THSD1: variants seen among roughly 807,000 people sequenced by gnomAD.
THSD1 encodes the protein thrombospondin type 1 domain containing 1, also known as thrombospondin type-1 domain-containing protein 1.
In THSD1, 34 loss-of-function variants were observed where a neutral mutation model predicts 46.3. The observed-to-expected ratio is 0.74, with a 90% confidence interval of 0.56 to 0.98. THSD1 has a LOEUF of 0.98. Among genes scored for constraint, THSD1 ranks in the 50% least tolerant of loss-of-function variants. The pLI is 0.00. For missense variants in THSD1, 1,023 were observed against 1,058.3 expected, an observed-to-expected ratio of 0.97 and a Z score of 0.46; for synonymous variants, 407 against 416.5, an observed-to-expected ratio of 0.98 and a Z score of 0.28.
chr13:52,400,747 T>C (rs1201851198), intron 2 of THSD1, among the ~76,000 whole-genome samples: 2 of 152,232 alleles, frequency 1.3e-5, no homozygotes, highest in Non-Finnish European at 2.9e-5. Context: ...ACCTACTTTT[T>C]TTATCAGTGG....
At position 52,377,256 on chromosome 13, in the gene THSD1, C is replaced by T. The variant is rs1256454297; in HGVS notation, c.*155G>A. The T allele has an allele frequency of 3.1e-6, 4 of 1,309,428 alleles. No homozygotes were observed. Among genetic ancestry groups the T allele is most frequent in the Non-Finnish European group, 3.9e-6 (4 of 1,024,168 alleles). The allele number at this position is 1,309,428 out of a possible 1,614,324, so 81.1% of individuals were successfully genotyped here. A position where few individuals can be genotyped will look rare whatever the true frequency, so the allele number is the denominator to read the frequency against. On this transcript the variant is annotated 3_prime_UTR_variant, in exon 5 of 5. Transcript: ENST00000258613. ...GGAAAAAGCTCAAGATAAATAATTT[C>T]TTCCTTGTGAATTCAAACACATGCA...
chr13:52,403,583 G>A (rs376557309), intron 1 of THSD1, among the ~76,000 whole-genome samples: 19 of 152,310 alleles, frequency 1.2e-4, no homozygotes, highest in East Asian at 1.2e-3. Context: ...CCGGGTTCAC[G>A]CCATTCTCCT....
chr13:52,397,411 T>C lies in THSD1; in HGVS notation c.842A>G (p.Tyr281Cys). 6.2e-6 allele frequency: 10 copies of C among 1,613,990 alleles called. No homozygotes were observed. The highest frequency in any genetic ancestry group is 1.1e-5 in the South Asian group (1 of 91,066). Residue 281 changes from tyrosine (Y) to cysteine (C), a missense_variant, in exon 3 of 5, where the codon TAC becomes TGC. Tyr to Cys is a radical substitution (Grantham distance 194). Coordinates refer to ENST00000258613, the MANE Select transcript of THSD1 (RefSeq NM_018676.4). ...CAAGTGAATGGTCCTCTTCCCAGGGTATCTGGGGGCCTCCTTGAAGACAGT... is the reference window on the plus strand; with the variant it reads ...CAAGTGAATGGTCCTCTTCCCAGGGCATCTGGGGGCCTCCTTGAAGACAGT... ...VVTVFKEAPR[Y>C]PGKRTIHLAE...
rs757862569 is a variant in THSD1 at position 52,378,064 on chromosome 13, T to A, written c.1906A>T (p.Arg636Ter). 1 of 1,614,192 alleles carries A rather than the reference T, an allele frequency of 6.2e-7. No individual in the cohort carries two copies. The highest frequency in any genetic ancestry group is 1.1e-5 in the South Asian group (1 of 91,086). ...RKSQARHVGSRGGPSERSHAR... is the reference protein window; with the variant it reads ...RKSQARHVGS ...TGGCTCCTTTCGGACGGGCCCCCTCTGCTGCCCACGTGCCTTGCCTGTGAC... is the reference window on the plus strand; with the variant it reads ...TGGCTCCTTTCGGACGGGCCCCCTCAGCTGCCCACGTGCCTTGCCTGTGAC... Residue 636 changes from arginine (R) to a stop codon, truncating the protein, a stop_gained, in exon 5 of 5, where the codon AGA (arginine) becomes TGA (stop). Coordinates refer to ENST00000258613, the MANE Select transcript of THSD1 (RefSeq NM_018676.4). LOFTEE classifies it high-confidence loss of function.
At chr13:52,389,085 C>A (rs1957754581) in intron 3 of THSD1, among the ~76,000 whole-genome samples, 1 of 152,000 alleles carries the variant, frequency 6.6e-6, no homozygotes, top group South Asian at 2.1e-4. Flanking sequence ...CTCAGCCTCC[C>A]AAGTAGCTGG....
intron 4 of THSD1, among the ~76,000 whole-genome samples, chr13:52,381,699 C>T (rs537004599): frequency 6.6e-6 from 1 of 152,342 alleles, no homozygotes. Flanking sequence ...CATCATTCCT[C>T]TGCAGCAATT....
chr13:52,381,598 AC>A (rs1334293311), intron 4 of THSD1, among the ~76,000 whole-genome samples: 1 of 152,112 alleles, frequency 6.6e-6, no homozygotes, highest in South Asian at 2.1e-4. Context: ...ACCTCTATTT[AC>A]CTTTTTTCCA....
At chr13:52,405,411 T>C (rs1957899026) in intron 1 of THSD1, among the ~76,000 whole-genome samples, 1 of 152,236 alleles carries the variant, frequency 6.6e-6, no homozygotes, top group East Asian at 1.9e-4. Flanking sequence ...AACATGCACA[T>C]GCTTGTGTGT....
chr13:52,396,290 G>A (rs1043527047), intron 3 of THSD1, among the ~76,000 whole-genome samples: 7 of 152,136 alleles, frequency 4.6e-5, no homozygotes, highest in African/African-American at 1.2e-4. Context: ...TTGGGAGGCC[G>A]AGGCATGTGG....
chr13:52,403,250 ATAC>A (rs890825725), intron 1 of THSD1, among the ~76,000 whole-genome samples: 3 of 152,176 alleles, frequency 2.0e-5, no homozygotes, highest in Non-Finnish European at 4.4e-5. Context: ...ATACCCCAGA[ATAC>A]TACAATTAAA....
At chr13:52,389,148 A>T (rs1214534679) in intron 3 of THSD1, among the ~76,000 whole-genome samples, 1 of 151,888 alleles carries the variant, frequency 6.6e-6, no homozygotes, top group Non-Finnish European at 1.5e-5. Context: ...TTTTTAGTAG[A>T]GACGGGGTTT....
Position 52,402,439 on chromosome 13 carries a change from C to A in THSD1, c.58+104G>T, listed in dbSNP as rs573184299. 2.4e-5 allele frequency: 27 copies of A among 1,138,040 alleles called. No homozygotes were observed. The Admixed American group carries it at 3.2e-4, about 14-fold the overall frequency. 70.5% of individuals were successfully genotyped at this position (1,138,040 alleles called of 1,614,324 possible). A position where few individuals can be genotyped will look rare whatever the true frequency, so the allele number is the denominator to read the frequency against. On this transcript the variant is annotated intron_variant, in intron 2 of 4. Transcript: ENST00000258613. The stretch of plus-strand genomic sequence containing the variant: ...TTGAGAAAGCACTGCACTATATACC[C>A]TACCCTGCCTCCTTCAGGAAGAGTC...
chr13:52,388,781 G>A (rs1957752091), intron 3 of THSD1, among the ~76,000 whole-genome samples: 1 of 151,662 alleles, frequency 6.6e-6, no homozygotes. Flanking sequence ...ACAACTGGCC[G>A]TATTAAGTGT....
intron 2 of THSD1, among the ~76,000 whole-genome samples, chr13:52,402,171 G>A (rs139234544): frequency 5.3e-5 from 8 of 152,276 alleles, no homozygotes; most frequent in Non-Finnish European, 5.9e-5. Context: ...ACTCGGTCAA[G>A]TGAAATCTTA....
Position 52,378,318 on chromosome 13 carries a change from A to G in THSD1, c.1652T>C (p.Val551Ala). The G allele has an allele frequency of 1.2e-6, 2 of 1,614,150 alleles. No individual in the cohort carries two copies. The highest frequency in any genetic ancestry group is 1.7e-6 in the Non-Finnish European group (2 of 1,180,020). The change falls in exon 5 of 5, where the codon GTG becomes GCG. Residue 551 changes from valine to alanine, a missense_variant. Around this residue, in one of 3 missense-constraint regions of THSD1, gnomAD observed 578 missense variants for 497.4 expected, o/e 1.16. Transcript: ENST00000258613. ...CAGGGGACTCTGAGACACGTGATAC[A>G]CTTTGGTAGTTTCCGTCAGACCTTT... ...KKKGLTETTK[V>A]YHVSQSPLTD...
intron 3 of THSD1, among the ~76,000 whole-genome samples, chr13:52,391,302 A>G (rs987157993): frequency 6.7e-6 from 1 of 148,482 alleles, no homozygotes; most frequent in Non-Finnish European, 1.5e-5. Context: ...CTGAAGCCTC[A>G]ACTTCCCCCT....
Position 52,386,075 on chromosome 13 carries a change from G to A in THSD1, c.1133C>T (p.Pro378Leu). ...LTSFPSSPVC[P>L]GMSLEASLCS... Reference sequence around the variant, plus strand: ...CAGGGAGGCCTCCAAGGACATTCCAGGGCAGACAGGACTGGAGGGGAAGGA... The same window carrying A: ...CAGGGAGGCCTCCAAGGACATTCCAAGGCAGACAGGACTGGAGGGGAAGGA... The change falls in exon 4 of 5, where the codon CCT becomes CTT. Residue 378 changes from proline (P) to leucine (L), a missense_variant. Pro to Leu is a moderately conservative substitution (Grantham distance 98, BLOSUM62 -3). Coordinates refer to ENST00000258613, the MANE Select transcript of THSD1 (RefSeq NM_018676.4). The A allele has an allele frequency of 1.2e-6, 2 of 1,614,162 alleles. No individual in the cohort carries two copies. The highest frequency in any genetic ancestry group is 1.7e-6 in the Non-Finnish European group (2 of 1,180,016).
intron 1 of THSD1, among the ~76,000 whole-genome samples, chr13:52,405,176 T>C (rs569229215): frequency 1.3e-5 from 2 of 152,348 alleles, no homozygotes; most frequent in East Asian, 3.9e-4. Context: ...AAATTCTAAA[T>C]GCATCAGCTG....
chr13:52,389,906 A>G (rs560498746), intron 3 of THSD1, among the ~76,000 whole-genome samples: 1 of 152,260 alleles, frequency 6.6e-6, no homozygotes, highest in South Asian at 2.1e-4. Context: ...CTGGGAGGCC[A>G]AGGCAGGTGG....
Sources: allele counts gnomAD v4.1 joint callset (sites outside exome capture counted in the v4.1 genomes callset), GRCh38; gene constraint gnomAD v4.1.1; regional missense constraint gnomAD v4.1.1; transcripts MANE v1.5; gene names NCBI Gene and HGNC (gene_info 2026-07-23, HGNC 2026-07-21).